The following KCNIP3 variants were observed in gnomAD, a reference collection of about 807,000 sequenced individuals.
KCNIP3 encodes potassium voltage-gated channel interacting protein 3, also known as calsenilin.
A neutral mutation model predicts 35.0 loss-of-function variants in KCNIP3; 28 were observed. The ratio of observed to expected loss-of-function variants is 0.80; its 90% CI spans 0.59 to 1.10. The LOEUF is 1.10. KCNIP3 is among the 50% of genes least tolerant of loss of function. The probability of loss-of-function intolerance (pLI) is 0.00; values close to 1 mark genes in which losing one functional copy is unlikely to be tolerated. For missense variants in KCNIP3, 295 were observed against 338.4 expected (o/e 0.87, Z 1.01); for synonymous variants, 134 against 133.8 (o/e 1.00, Z -0.01).
chr2:95,342,105 C>A (rs1050405202), intron 2 of KCNIP3, among the ~76,000 whole-genome samples: 4 of 151,918 alleles, frequency 2.6e-5, no homozygotes, highest in African/African-American at 2.4e-5. Flanking sequence ...GTGCGAAGAC[C>A]CTGAGATGAG....
At chr2:95,342,507 C>A (rs1679216737) in intron 2 of KCNIP3, among the ~76,000 whole-genome samples, 1 of 152,248 alleles carries the variant, frequency 6.6e-6, no homozygotes, top group African/African-American at 2.4e-5. Context: ...AGCAACTCAA[C>A]TCACATTGGC....
chr2:95,304,508 C>G (rs1383849958), intron 1 of KCNIP3, among the ~76,000 whole-genome samples: 1 of 152,158 alleles, frequency 6.6e-6, no homozygotes, highest in Non-Finnish European at 1.5e-5. Flanking sequence ...GTGCAGCTCC[C>G]CACTGCCAGA....
At chr2:95,307,990 G>A (rs1055109034) in intron 1 of KCNIP3, among the ~76,000 whole-genome samples, 2 of 152,230 alleles carry the variant, frequency 1.3e-5, no homozygotes, top group Non-Finnish European at 2.9e-5. Flanking sequence ...CTGACAGGAC[G>A]TGTGTGTGCA....
intron 2 of KCNIP3, among the ~76,000 whole-genome samples, chr2:95,315,960 C>T (rs539823640): frequency 6.6e-6 from 1 of 152,358 alleles, no homozygotes; most frequent in South Asian, 2.1e-4. Flanking sequence ...GAGGTTGATA[C>T]TCGATTGCTG....
At chr2:95,332,501 G>A (rs1047089011) in intron 2 of KCNIP3, among the ~76,000 whole-genome samples, 2 of 152,250 alleles carry the variant, frequency 1.3e-5, no homozygotes, top group Non-Finnish European at 2.9e-5. Context: ...AGTTCAGCAT[G>A]CTCATCTTTC....
chr2:95,320,415 G>A (rs1194285066), intron 2 of KCNIP3, among the ~76,000 whole-genome samples: 2 of 152,120 alleles, frequency 1.3e-5, no homozygotes, highest in African/African-American at 4.8e-5. Context: ...CGGGGAGGAG[G>A]AGGCAGGGTG....
intron 2 of KCNIP3, among the ~76,000 whole-genome samples, chr2:95,369,347 G>T (rs1183993899): frequency 6.6e-6 from 1 of 152,112 alleles, no homozygotes; most frequent in Non-Finnish European, 1.5e-5. Flanking sequence ...ATTCATCAAA[G>T]GATTCAATTT....
chr2:95,297,826 C>T (rs1268089219), intron 1 of KCNIP3, among the ~76,000 whole-genome samples: 2 of 152,142 alleles, frequency 1.3e-5, no homozygotes, highest in African/African-American at 2.4e-5. Flanking sequence ...GGGTCAGGTG[C>T]CAGCGTGGCT....
chr2:95,318,675 CA>C (rs927827654), intron 2 of KCNIP3, among the ~76,000 whole-genome samples: 2 of 152,222 alleles, frequency 1.3e-5, no homozygotes, highest in African/African-American at 4.8e-5. Flanking sequence ...GAAGCAGGCA[CA>C]GGGGTGGTGC....
intron 1 of KCNIP3, among the ~76,000 whole-genome samples, chr2:95,302,867 G>A (rs1573476598): frequency 6.6e-6 from 1 of 152,174 alleles, no homozygotes; most frequent in Non-Finnish European, 1.5e-5. Context: ...GGCCCTGGTG[G>A]CACATACGAA....
At chr2:95,349,695 C>A (rs558318861) in intron 2 of KCNIP3, among the ~76,000 whole-genome samples, 1 of 152,236 alleles carries the variant, frequency 6.6e-6, no homozygotes, top group African/African-American at 2.4e-5. Flanking sequence ...CCAGGCTAGC[C>A]TCAGTGTGAC....
intron 1 of KCNIP3, chr2:95,310,097 C>T: frequency 1.6e-6 from 1 of 616,298 alleles, no homozygotes; most frequent in Non-Finnish European, 3.0e-6. Flanking sequence ...TCACTGCTGA[C>T]ATCCCCTCTC....
At chr2:95,302,406 G>A (rs148414283) in intron 1 of KCNIP3, among the ~76,000 whole-genome samples, 113 of 152,352 alleles carry the variant, frequency 7.4e-4, no homozygotes, top group Admixed American at 1.5e-3. Flanking sequence ...GAACAGAGTA[G>A]CCCAGCCCTC....
chr2:95,338,600 G>A (rs1558767479), intron 2 of KCNIP3, among the ~76,000 whole-genome samples: 2 of 152,156 alleles, frequency 1.3e-5, no homozygotes, highest in South Asian at 2.1e-4. Flanking sequence ...TAAAGACCCC[G>A]GGAAATGTAA....
At chr2:95,314,553 C>A (rs2104216207) in intron 2 of KCNIP3, among the ~76,000 whole-genome samples, 1 of 152,328 alleles carries the variant, frequency 6.6e-6, no homozygotes, top group African/African-American at 2.4e-5. Context: ...CTGTAACTGG[C>A]AGTGTTGCTA....
chr2:95,382,453 C>A lies in KCNIP3; in HGVS notation c.632C>A (p.Pro211Gln). The change falls in exon 7 of 9, where the codon CCG (proline) becomes CAG (glutamine). Residue 211 changes from proline (P) to glutamine (Q), a missense_variant. Transcript: ENST00000295225. This position sits in a 1 kb window ranked among gnomAD's most constrained non-coding sequence, Gnocchi z 4.5. ...HTYPILREDA[P>Q]AEHVERFFEK... ...TACCCCATCCTGCGGGAGGACGCGCCGGCGGAGCACGTGGAGAGGTTCTTC... is the reference window on the plus strand; with the variant it reads ...TACCCCATCCTGCGGGAGGACGCGCAGGCGGAGCACGTGGAGAGGTTCTTC... 6.2e-7 allele frequency: 1 copy of A among 1,608,546 alleles called. No individual in the cohort carries two copies. Among genetic ancestry groups the A allele is most frequent in the Non-Finnish European group, 8.5e-7 (1 of 1,177,760 alleles).
intron 2 of KCNIP3, among the ~76,000 whole-genome samples, chr2:95,324,475 T>C (rs1422289963): frequency 2.0e-5 from 3 of 151,450 alleles, no homozygotes; most frequent in Non-Finnish European, 2.9e-5. Context: ...ATTGCGCCAC[T>C]GCACTCCAGC....
chr2:95,373,012 C>T (rs994212344), intron 2 of KCNIP3, among the ~76,000 whole-genome samples: 1 of 152,182 alleles, frequency 6.6e-6, no homozygotes, highest in African/African-American at 2.4e-5. Flanking sequence ...CCATGCCAGG[C>T]ACCACGGGCA....
chr2:95,357,170 C>T (rs1026636282), intron 2 of KCNIP3, among the ~76,000 whole-genome samples: 2 of 152,242 alleles, frequency 1.3e-5, no homozygotes, highest in African/African-American at 4.8e-5. Context: ...AGTCTCACCA[C>T]AGACTTTCCA....
Sources: gnomAD v4.1 joint callset for allele counts (sites outside exome capture counted in the v4.1 genomes callset) on GRCh38, gnomAD v4.1.1 for gene constraint, Gnocchi (gnomAD v3.1) non-coding constraint, MANE v1.5 for transcripts, NCBI Gene and HGNC (gene_info 2026-07-23, HGNC 2026-07-21) for gene names.